Variants in GLRA1 observed in about 807,000 individuals in gnomAD.
GLRA1 encodes glycine receptor subunit alpha-1.
A neutral mutation model predicts 48.3 loss-of-function variants in GLRA1; 37 were observed. The observed-to-expected ratio is 0.77, with a 90% CI of 0.59 to 1.01. The LOEUF is 1.01. GLRA1 is among the 50% of genes least tolerant of loss of function. The pLI, the probability that GLRA1 is intolerant of heterozygous loss-of-function variation, is 0.00. For missense variants in GLRA1, 427 were observed against 571.0 expected (o/e 0.75, Z 2.57); for synonymous variants, 196 against 210.7 (o/e 0.93, Z 0.60).
chr5:151,829,265 G>A (rs1012244060), intron 7 of GLRA1, among the ~76,000 whole-genome samples, 198 bp from the exon 8 acceptor site: 1 of 152,154 alleles, frequency 6.6e-6, no homozygotes, highest in African/African-American at 2.4e-5. Context: ...AATATTGGGG[G>A]TAAATAGATT....
At chr5:151,824,465 T>C (rs544714315) in intron 8 of GLRA1, among the ~76,000 whole-genome samples, 2 of 152,352 alleles carry the variant, frequency 1.3e-5, no homozygotes, top group South Asian at 4.1e-4. Context: ...GGACCCTGCC[T>C]GCTTTTGCAG....
At chr5:151,851,642 T>G in intron 6 of GLRA1, 38 bp from the exon 7 acceptor site, 3 of 1,381,928 alleles carry the variant, frequency 2.2e-6, no homozygotes, top group Non-Finnish European at 3.1e-6. Flanking sequence ...TGTAGCCTGG[T>G]GAATAGGACA....
At chr5:151,916,002 G>T (rs1378750289) in intron 1 of GLRA1, among the ~76,000 whole-genome samples, 1 of 152,172 alleles carries the variant, frequency 6.6e-6, no homozygotes, top group Non-Finnish European at 1.5e-5. Flanking sequence ...TCCATTGGTA[G>T]AGGGGGAGGG....
rs149002563 is a variant in GLRA1 at position 151,840,356 on chromosome 5, C to G, written c.912+11034G>C. On this transcript the variant is annotated intron_variant, in intron 7 of 8. Transcript: ENST00000274576. ...TCAAGCAACCTACCTGCCTCAGCCT[C>G]CCAAAGTGCTGGAATTACAGGCATG... is the stretch of plus-strand genomic sequence containing the variant. 5.7e-3 allele frequency among the ~76,000 whole-genome samples: 869 copies of G among 152,136 alleles called. 11 individuals carry two copies. Among genetic ancestry groups the G allele is most frequent in the African/African-American group, 0.02 (840 of 41,498 alleles).
Position 151,900,122 on chromosome 5 carries a change from G to A in GLRA1, c.57-7684C>T, listed in dbSNP as rs561245971. On this transcript the variant is annotated intron_variant, in intron 1 of 8. Transcript: ENST00000274576. ...CATCCACTAACTCTCCTGCCTTATC[G>A]TATGTATCCCCACAAAGTAGGGCCA... Among the ~76,000 whole-genome samples the A allele has an allele frequency of 2.6e-5, 4 of 152,114 alleles. No individual in the cohort carries two copies. In the East Asian group the frequency reaches 7.7e-4, roughly 29 times the overall value.
chr5:151,902,479 A>G (rs561686110), intron 1 of GLRA1, among the ~76,000 whole-genome samples: 7 of 152,066 alleles, frequency 4.6e-5, no homozygotes, highest in African/African-American at 2.4e-5. Context: ...TGAAAATACT[A>G]TCTGCCTTTA....
intron 8 of GLRA1, among the ~76,000 whole-genome samples, chr5:151,824,849 C>T (rs1763230971): frequency 6.6e-6 from 1 of 151,360 alleles, no homozygotes; most frequent in African/African-American, 2.4e-5. Context: ...ACTCTCAACA[C>T]TGAACATATG....
chr5:151,847,055 T>C (rs533231638), intron 7 of GLRA1, among the ~76,000 whole-genome samples: 5 of 152,370 alleles, frequency 3.3e-5, no homozygotes, highest in African/African-American at 9.6e-5. Flanking sequence ...GGGAAAATGA[T>C]GACTGGTGAA....
chr5:151,829,379 G>A (rs1015343829), intron 7 of GLRA1, among the ~76,000 whole-genome samples: 1 of 152,196 alleles, frequency 6.6e-6, no homozygotes, highest in African/African-American at 2.4e-5. Flanking sequence ...ACAAACTGTT[G>A]TAGTGAGCAT....
chr5:151,852,602 A>C (rs1399185447), intron 6 of GLRA1, among the ~76,000 whole-genome samples: 1 of 152,226 alleles, frequency 6.6e-6, no homozygotes, highest in African/African-American at 2.4e-5. Flanking sequence ...CCTGGACTGT[A>C]AGCTGTAGGC....
chr5:151,835,664 A>G (rs1293245246), intron 7 of GLRA1, among the ~76,000 whole-genome samples: 1 of 152,236 alleles, frequency 6.6e-6, no homozygotes, highest in East Asian at 1.9e-4. Context: ...ATATATGCAA[A>G]TCAATAGACA....
rs180777625 is a variant in GLRA1, at chr5:151,912,959, A to G, written c.56+11535T>C. Among the ~76,000 whole-genome samples the G allele has an allele frequency of 1.9e-3, 292 of 152,336 alleles. 2 individuals carry two copies. The highest frequency in any genetic ancestry group is 6.8e-3 in the African/African-American group (284 of 41,578). ...GGTCCCTTTAAACAAACTGAGTGCT[A>G]AGGATAATGCCTATATTTCCAAGAG... On this transcript the variant is annotated intron_variant, in intron 1 of 8. Transcript: ENST00000274576.
chr5:151,862,489 C>T (rs1753231934), intron 3 of GLRA1, among the ~76,000 whole-genome samples: 1 of 152,174 alleles, frequency 6.6e-6, no homozygotes, highest in Non-Finnish European at 1.5e-5. Flanking sequence ...GAACAGGCAA[C>T]CTACAGAATG....
At chr5:151,836,191 G>C (rs1327721165) in intron 7 of GLRA1, among the ~76,000 whole-genome samples, 1 of 152,122 alleles carries the variant, frequency 6.6e-6, no homozygotes, top group Non-Finnish European at 1.5e-5. Context: ...AATAATGAGT[G>C]AACTCCCATT....
intron 7 of GLRA1, among the ~76,000 whole-genome samples, chr5:151,841,659 T>C (rs1763714787): frequency 6.6e-6 from 1 of 152,194 alleles, no homozygotes; most frequent in African/African-American, 2.4e-5. Flanking sequence ...TCATTGACTT[T>C]ACAGAAATAA....
At chr5:151,859,336 T>C (rs1753131795) in intron 4 of GLRA1, among the ~76,000 whole-genome samples, 1 of 152,102 alleles carries the variant, frequency 6.6e-6, no homozygotes, top group South Asian at 2.1e-4. Context: ...CAGTGCAAAG[T>C]TTGGGGGATA....
At chr5:151,885,421 T>C (rs1394441276) in intron 3 of GLRA1, among the ~76,000 whole-genome samples, 1 of 152,082 alleles carries the variant, frequency 6.6e-6, no homozygotes, top group Non-Finnish European at 1.5e-5. Context: ...AACTGTAAAA[T>C]GTATTATGAG....
At chr5:151,833,213 C>T (rs541482126) in intron 7 of GLRA1, among the ~76,000 whole-genome samples, 41 of 152,238 alleles carry the variant, frequency 2.7e-4, no homozygotes, top group South Asian at 8.3e-4. Context: ...TTGTGAAGAC[C>T]GTTGACACTA....
intron 1 of GLRA1, among the ~76,000 whole-genome samples, chr5:151,898,240 G>A (rs769567697): frequency 3.3e-5 from 5 of 151,014 alleles, no homozygotes; most frequent in Non-Finnish European, 5.9e-5. Context: ...CACTGGTCTC[G>A]GGATCCAGAT....
Sources: gnomAD v4.1 joint callset for allele counts (sites outside exome capture counted in the v4.1 genomes callset) on GRCh38, gnomAD v4.1.1 for gene constraint, MANE v1.5 for transcripts, NCBI Gene and HGNC (gene_info 2026-07-23, HGNC 2026-07-21) for gene names.